PDZD9: variants seen among roughly 807,000 people sequenced by gnomAD.
PDZD9 encodes PDZ domain containing 9, also known as PDZ domain-containing protein 9.
A neutral mutation model predicts 16.3 loss-of-function variants in PDZD9; 13 were observed. The ratio of observed to expected loss-of-function variants is 0.80; its 90% confidence interval spans 0.52 to 1.27. The LOEUF is 1.27. Among genes scored for constraint, PDZD9 ranks in the 50% most tolerant of loss-of-function variants. The probability of loss-of-function intolerance (pLI) is 0.00; values close to 1 mark genes in which losing one functional copy is unlikely to be tolerated. For missense variants in PDZD9, 288 were observed against 310.9 expected (o/e 0.93, Z 0.55); for synonymous variants, 120 against 111.0 (o/e 1.08, Z -0.51).
At chr16:21,994,703 G>A (rs960266193) in intron 2 of PDZD9, among the ~76,000 whole-genome samples, 2 of 152,172 alleles carry the variant, frequency 1.3e-5, no homozygotes, top group Non-Finnish European at 2.9e-5. Flanking sequence ...TACTGCCTAC[G>A]AAAGAAAATA....
chr16:21,976,576 G>T, the PDZD9 span: 1 of 219,024 alleles, frequency 4.6e-6, no homozygotes, highest in Non-Finnish European at 9.2e-6. Context: ...TATTGATCAT[G>T]CATTTTTAAA....
chr16:21,978,821 G>C, the PDZD9 span, among the ~76,000 whole-genome samples: 1 of 152,090 alleles, frequency 6.6e-6, no homozygotes, highest in African/African-American at 2.4e-5. Flanking sequence ...CCTTAAAATT[G>C]CCCTGTTTCA....
chr16:21,971,817 C>A, the PDZD9 span: 1 of 1,519,758 alleles, frequency 6.6e-7, no homozygotes, highest in Non-Finnish European at 9.0e-7. Flanking sequence ...CACCGAGCTG[C>A]AGAAAAGACT....
At chr16:21,967,070 GT>G in the PDZD9 span, among the ~76,000 whole-genome samples, 1 of 152,100 alleles carries the variant, frequency 6.6e-6, no homozygotes, top group Non-Finnish European at 1.5e-5. Flanking sequence ...GATGTTAACT[GT>G]GATAACTTGG....
At chr16:21,962,437 C>T in the PDZD9 span, 1 of 1,613,764 alleles carries the variant, frequency 6.2e-7, no homozygotes, top group Admixed American at 1.7e-5. Context: ...AGATGATTTA[C>T]TCTAGTTTAT....
chr16:21,970,805 C>G, the PDZD9 span, among the ~76,000 whole-genome samples: 1 of 152,042 alleles, frequency 6.6e-6, no homozygotes, highest in African/African-American at 2.4e-5. Flanking sequence ...GGACTGGTCT[C>G]GAACTCCTGA....
the PDZD9 span, chr16:21,973,974 G>T: frequency 3.1e-6 from 5 of 1,606,078 alleles, no homozygotes; most frequent in Non-Finnish European, 4.2e-6. Context: ...AGCTGCTGGA[G>T]ATGTAAGTTG....
the PDZD9 span, among the ~76,000 whole-genome samples, chr16:21,972,286 A>G: frequency 6.6e-6 from 1 of 152,234 alleles, no homozygotes; most frequent in Admixed American, 6.5e-5. Flanking sequence ...AGGCCTATCA[A>G]AAACTCACTG....
intron 2 of PDZD9, among the ~76,000 whole-genome samples, chr16:21,991,948 G>A (rs1002813415): frequency 1.3e-5 from 2 of 152,094 alleles, no homozygotes; most frequent in Non-Finnish European, 2.9e-5. Flanking sequence ...GGCACACATC[G>A]GTTCAAATCC....
At chr16:21,971,818 A>C in the PDZD9 span, 1 of 1,524,764 alleles carries the variant, frequency 6.6e-7, no homozygotes, top group Non-Finnish European at 9.0e-7. Flanking sequence ...ACCGAGCTGC[A>C]GAAAAGACTC....
chr16:21,962,886 G>A, the PDZD9 span: 7 of 1,613,526 alleles, frequency 4.3e-6, no homozygotes, highest in African/African-American at 2.7e-5. Context: ...CCGCAGACTC[G>A]TAAGTACATT....
the PDZD9 span, among the ~76,000 whole-genome samples, chr16:21,972,884 AAGGTCAGG>A: frequency 6.6e-6 from 1 of 152,104 alleles, no homozygotes; most frequent in Non-Finnish European, 1.5e-5. Context: ...GGCGGATCAC[AAGGTCAGG>A]AGATCAAGAC....
chr16:21,995,502 C>T lies in PDZD9; in HGVS notation c.211+820G>A, dbSNP rs575635292. 5.3e-5 allele frequency among the ~76,000 whole-genome samples: 8 copies of T among 152,328 alleles called. No individual in the cohort carries two copies. The South Asian group carries it at 1.7e-3, about 32-fold the overall frequency. ...GTGCTGGAATTACAGGTGTAAGCCA[C>T]TGTACCCAGCCAGAATTAAATGAAT... On this transcript the variant is annotated intron_variant, in intron 2 of 3. Transcript: ENST00000424898.
At position 21,983,906 on chromosome 16, in the gene PDZD9, C is replaced by T. The variant is rs1898799889; in HGVS notation, c.*361G>A. 6.2e-6 allele frequency: 1 copy of T among 160,622 alleles called. No individual in the cohort carries two copies. The highest frequency in any genetic ancestry group is 1.3e-5 in the Non-Finnish European group (1 of 74,368). The allele number at this position is 160,622 out of a possible 1,614,324, so 9.9% of individuals were successfully genotyped here. ...TTTTAATTATAGTACTTGAAGTTTA[C>T]CAAAAAAAAGAGAGAAACTAAATAT... On this transcript the variant is annotated 3_prime_UTR_variant, in exon 4 of 4. Transcript: ENST00000424898.
intron 1 of PDZD9, chr16:21,999,370 T>C: frequency 5.1e-6 from 1 of 196,606 alleles, no homozygotes; most frequent in Non-Finnish European, 1.1e-5. Flanking sequence ...GCTGCTGTGT[T>C]TGGGGACAAC....
chr16:21,968,633 T>C, the PDZD9 span: 2 of 1,607,692 alleles, frequency 1.2e-6, no homozygotes, highest in Non-Finnish European at 1.7e-6. Flanking sequence ...CTCAGTTACA[T>C]TACTTCGTTC....
At chr16:21,959,300 A>G in the PDZD9 span, 2 of 199,090 alleles carry the variant, frequency 1.0e-5, no homozygotes, top group Non-Finnish European at 2.2e-5. Flanking sequence ...TTTTTTATCA[A>G]CCAAGATTAT....
chr16:21,958,471 A>T, the PDZD9 span: 1 of 1,378,952 alleles, frequency 7.3e-7, no homozygotes, highest in Non-Finnish European at 1.0e-6. Flanking sequence ...ATTTTGATAT[A>T]GTGTGATGTT....
chr16:21,977,968 A>G, the PDZD9 span, among the ~76,000 whole-genome samples: 1 of 152,242 alleles, frequency 6.6e-6, no homozygotes, highest in East Asian at 1.9e-4. Flanking sequence ...GAAACAAAAC[A>G]TGATGAGAAT....
Sources: allele counts gnomAD v4.1 joint callset (sites outside exome capture counted in the v4.1 genomes callset), GRCh38; gene constraint gnomAD v4.1.1; transcripts MANE v1.5; gene names NCBI Gene and HGNC (gene_info 2026-07-23, HGNC 2026-07-21).